The following RTTN variants were observed in gnomAD, a reference collection of about 807,000 sequenced individuals.
RTTN encodes the protein rotatin.
In RTTN, 182 loss-of-function variants were observed where a neutral mutation model predicts 269.2. That is an observed-to-expected ratio of 0.68 (90% confidence interval 0.60 to 0.76). The LOEUF is 0.76. Among genes scored for constraint, RTTN ranks in the 30% least tolerant of loss-of-function variants. The pLI is 0.00. For synonymous variants in RTTN, 1,006 were observed against 963.5 expected, an observed-to-expected ratio of 1.04 and a Z score of -0.82; for missense variants, 2,545 against 2,608.6, an observed-to-expected ratio of 0.98 and a Z score of 0.53.
chr18:70,110,649 C>T (rs115557928), intron 27 of RTTN, among the ~76,000 whole-genome samples: 2,473 of 152,324 alleles, frequency 0.016, 63 homozygotes, highest in African/African-American at 0.057. Context: ...AGACACCAAA[C>T]AAGCTGCAGT....
chr18:70,076,762 T>C (rs572767230), intron 32 of RTTN, among the ~76,000 whole-genome samples: 1 of 152,094 alleles, frequency 6.6e-6, no homozygotes, highest in Admixed American at 6.6e-5. Flanking sequence ...TGCAGAGGTC[T>C]AGAAGAATCA....
At chr18:70,146,302 A>G (rs1043366396) in intron 17 of RTTN, among the ~76,000 whole-genome samples, 4 of 152,174 alleles carry the variant, frequency 2.6e-5, no homozygotes, top group African/African-American at 9.7e-5. Context: ...CTTATCTGGA[A>G]GGGATTAGGA....
intron 23 of RTTN, chr18:70,129,921 C>G (rs1015289157): frequency 1.2e-5 from 1 of 85,212 alleles, no homozygotes; most frequent in African/African-American, 2.9e-5. Flanking sequence ...ACTCAAACAA[C>G]TTAACAGCAA....
At chr18:70,189,779 T>A (rs183313029) in intron 9 of RTTN, among the ~76,000 whole-genome samples, 1 of 152,144 alleles carries the variant, frequency 6.6e-6, no homozygotes, top group Non-Finnish European at 1.5e-5. Flanking sequence ...CAAAACCAAG[T>A]ATGAAGGCAG....
chr18:70,193,363 G>A lies in RTTN; in HGVS notation c.932C>T (p.Pro311Leu), dbSNP rs1218786873. The A allele has an allele frequency of 1.9e-6, 3 of 1,609,874 alleles. No homozygotes were observed. The highest frequency in any genetic ancestry group is 2.2e-5 in the South Asian group (2 of 90,670). ...TGTGCGCCCAACCACAGAAGGCCGAGGGCTGCTGCTTCCTGGGGAAGGATT... is the reference window on the plus strand; with the variant it reads ...TGTGCGCCCAACCACAGAAGGCCGAAGGCTGCTGCTTCCTGGGGAAGGATT... ...SQNPSPGSSS[P>L]RPSVVGRTGQ... Residue 311 changes from proline to leucine, a missense_variant, in exon 8 of 49, where the codon CCT becomes CTT. Physicochemically the swap from Pro to Leu is moderately conservative, Grantham distance 98. Coordinates refer to ENST00000640769, the MANE Select transcript of RTTN (RefSeq NM_173630.4).
chr18:70,042,948 C>G (rs147342558), intron 40 of RTTN, among the ~76,000 whole-genome samples: 1,870 of 152,244 alleles, frequency 0.012, 23 homozygotes, highest in South Asian at 0.037. Context: ...ATGCAGGATG[C>G]AGGAGACTGC....
In RTTN at chr18:70,073,940, C is replaced by T. The variant is rs757064005; in HGVS notation, c.4619G>A (p.Arg1540Gln). The change falls in exon 34 of 49, where the codon CGA becomes CAA. Residue 1540 changes from arginine to glutamine, a missense_variant. Physicochemically the swap from Arg to Gln is conservative, Grantham distance 43. Transcript: ENST00000640769. ...WRAPSRTSQD[R>Q]DPSSLSTSET... Reference sequence around the variant, plus strand: ...TGAGGTGGAGAGAGAACTTGGATCTCGATCCTGACTTGTCCTAGATGGAGC... The same window carrying T: ...TGAGGTGGAGAGAGAACTTGGATCTTGATCCTGACTTGTCCTAGATGGAGC... The T allele has an allele frequency of 7.4e-6, 12 of 1,611,600 alleles. No individual in the cohort carries two copies. Among genetic ancestry groups the T allele is most frequent in the South Asian group, 2.2e-5 (2 of 91,030 alleles).
Position 70,196,668 on chromosome 18 carries a change from T to G in RTTN, c.694-20A>C, listed in dbSNP as rs1459307632. ...AAGGCTCTGAAATCAAGAAGAGCCG[T>G]GAAAATTACTAAGGGAACAAAGAGC... is the stretch of plus-strand genomic sequence containing the variant. On this transcript the variant is annotated intron_variant, in intron 6 of 48. Coordinates refer to ENST00000640769, the MANE Select transcript of RTTN (RefSeq NM_173630.4). 2 of 1,605,564 alleles carry G rather than the reference T, an allele frequency of 1.2e-6. No individual in the cohort carries two copies. The highest frequency in any genetic ancestry group is 8.5e-7 in the Non-Finnish European group (1 of 1,177,658).
chr18:70,110,320 C>T (rs891541878), intron 27 of RTTN, among the ~76,000 whole-genome samples: 1 of 151,834 alleles, frequency 6.6e-6, no homozygotes. Flanking sequence ...CCGGCAAGAT[C>T]GACGCAGAAG....
intron 20 of RTTN, 55 bp from the exon 21 acceptor site, chr18:70,139,771 C>G: frequency 2.0e-6 from 2 of 1,010,212 alleles, no homozygotes; most frequent in South Asian, 2.7e-5. Flanking sequence ...CAGGTGAGAT[C>G]AAACAGACCA....
At chr18:70,158,957 C>G (rs1327108765) in intron 14 of RTTN, among the ~76,000 whole-genome samples, 1 of 152,138 alleles carries the variant, frequency 6.6e-6, no homozygotes, top group African/African-American at 2.4e-5. Context: ...TTCTTAGAGA[C>G]CTACAGAGTT....
In RTTN at chr18:70,134,370, G is replaced by C; in HGVS notation, c.2954+103C>G. On this transcript the variant is annotated intron_variant, in intron 23 of 48. Coordinates refer to ENST00000640769, the MANE Select transcript of RTTN (RefSeq NM_173630.4). ...GGAACCATGAAAGCCCAAGTTATGG[G>C]ATTTAAATGCTAAATGAAAATTGTG... is the stretch of plus-strand genomic sequence containing the variant. 3.4e-6 allele frequency: 3 copies of C among 884,154 alleles called. No homozygotes were observed. The South Asian group carries it at 4.6e-5, about 13-fold the overall frequency. 54.8% of individuals were successfully genotyped at this position (884,154 alleles called of 1,614,324 possible).
At chr18:70,026,246 G>T (rs1055934712) in intron 43 of RTTN, among the ~76,000 whole-genome samples, 2 of 152,070 alleles carry the variant, frequency 1.3e-5, no homozygotes, top group Non-Finnish European at 2.9e-5. Context: ...GCTCTATCCT[G>T]GATCATTTCT....
At chr18:70,005,086 G>T in intron 48 of RTTN, 112 bp downstream of exon 48, 1 of 602,438 alleles carries the variant, frequency 1.7e-6, no homozygotes, top group Non-Finnish European at 2.9e-6. Flanking sequence ...ACTGAATATT[G>T]GCACATTTTA....
chr18:70,068,112 G>T (rs1030040024), intron 34 of RTTN, among the ~76,000 whole-genome samples: 1 of 152,126 alleles, frequency 6.6e-6, no homozygotes, highest in African/African-American at 2.4e-5. Context: ...AAGCAAAAAA[G>T]TATTAAAGCA....
At chr18:70,163,069 TAAA>T (rs10559303) in intron 14 of RTTN, among the ~76,000 whole-genome samples, 723 of 56,994 alleles carry the variant, frequency 0.013, 10 homozygotes, top group African/African-American at 0.047. Flanking sequence ...TTACTATTAT[TAAA>T]AAAAAAAAAA....
chr18:70,023,565 C>G (rs2056767432), intron 44 of RTTN, among the ~76,000 whole-genome samples: 7 of 152,146 alleles, frequency 4.6e-5, no homozygotes, highest in Admixed American at 4.6e-4. Context: ...GCTCATTTCT[C>G]CAAATGAAGT....
intron 23 of RTTN, chr18:70,130,306 T>G (rs915332204): frequency 3.9e-5 from 6 of 152,032 alleles, no homozygotes; most frequent in Non-Finnish European, 7.4e-5. Context: ...GAAATTGGTA[T>G]GTCAAAGAGA....
At chr18:70,147,558 C>T (rs899236766) in intron 17 of RTTN, among the ~76,000 whole-genome samples, 2 of 152,076 alleles carry the variant, frequency 1.3e-5, no homozygotes, top group Admixed American at 6.6e-5. Context: ...GTATAAGGTA[C>T]GCTATGAAGT....
Sources: allele counts gnomAD v4.1 joint callset (sites outside exome capture counted in the v4.1 genomes callset), GRCh38; gene constraint gnomAD v4.1.1; transcripts MANE v1.5; gene names NCBI Gene and HGNC (gene_info 2026-07-23, HGNC 2026-07-21).